RIMS1: variants seen among roughly 807,000 people sequenced by gnomAD.
RIMS1 encodes regulating synaptic membrane exocytosis 1.
Under a neutral mutation model 214.1 loss-of-function variants are expected in RIMS1, and 83 were observed. The ratio of observed to expected loss-of-function variants is 0.39; its 90% CI spans 0.32 to 0.47. The LOEUF (loss-of-function observed/expected upper bound fraction) is 0.47, where lower values mean the gene tolerates loss of function less well. Among genes scored for constraint, RIMS1 ranks in the 20% least tolerant of loss-of-function variants. The pLI, the probability that RIMS1 is intolerant of heterozygous loss-of-function variation, is 0.99. For synonymous variants in RIMS1, 793 were observed against 786.8 expected (o/e 1.01, Z -0.13); for missense variants, 2,050 against 2,161.8 (o/e 0.95, Z 1.03).
At chr6:72,169,809 G>T (rs1247860810) in intron 4 of RIMS1, among the ~76,000 whole-genome samples, 3 of 152,178 alleles carry the variant, frequency 2.0e-5, no homozygotes, top group African/African-American at 7.2e-5. Context: ...TACTTGGGAG[G>T]AAGAGGCGGA....
chr6:72,035,768 G>A (rs1462249435), intron 2 of RIMS1, among the ~76,000 whole-genome samples: 1 of 152,084 alleles, frequency 6.6e-6, no homozygotes, highest in Non-Finnish European at 1.5e-5. Flanking sequence ...ATTCCAGGTA[G>A]GGGTTTATAC....
chr6:72,186,949 G>A (rs1297217627), intron 6 of RIMS1, among the ~76,000 whole-genome samples: 2 of 152,056 alleles, frequency 1.3e-5, no homozygotes, highest in African/African-American at 4.8e-5. Flanking sequence ...TGGGCAACAT[G>A]GTGAAACCCC....
chr6:71,955,456 C>T (rs552588771), intron 1 of RIMS1, among the ~76,000 whole-genome samples: 34 of 152,230 alleles, frequency 2.2e-4, no homozygotes, highest in Middle Eastern at 6.8e-3. Context: ...CATGAGCCAC[C>T]GTGCCCAACT....
At chr6:72,353,720 TCAGTTAC>T (rs2097539703) in intron 29 of RIMS1, among the ~76,000 whole-genome samples, 3 of 152,336 alleles carry the variant, frequency 2.0e-5, no homozygotes, top group African/African-American at 7.2e-5. Context: ...CCTCTGATAC[TCAGTTAC>T]TACTTCTGGC....
At chr6:71,919,544 G>T (rs919447808) in intron 1 of RIMS1, among the ~76,000 whole-genome samples, 1 of 152,082 alleles carries the variant, frequency 6.6e-6, no homozygotes, top group Non-Finnish European at 1.5e-5. Context: ...ACTGGCACTT[G>T]GGAGTCATCA....
chr6:71,939,034 G>A (rs1785274664), intron 1 of RIMS1, among the ~76,000 whole-genome samples: 1 of 152,226 alleles, frequency 6.6e-6, no homozygotes, highest in Non-Finnish European at 1.5e-5. Context: ...AATGCTGAAT[G>A]TTTTGCTGTT....
chr6:72,170,004 C>T (rs2046803775), intron 4 of RIMS1, among the ~76,000 whole-genome samples: 1 of 152,186 alleles, frequency 6.6e-6, no homozygotes. Context: ...TGCTATAGTC[C>T]ACAAAGACCT....
intron 11 of RIMS1, among the ~76,000 whole-genome samples, chr6:72,246,122 C>T (rs1157901700): frequency 1.3e-5 from 2 of 151,998 alleles, no homozygotes; most frequent in Non-Finnish European, 2.9e-5. Flanking sequence ...ACAGTCAGGA[C>T]CCTTACAGAG....
intron 19 of RIMS1, among the ~76,000 whole-genome samples, chr6:72,264,512 A>G (rs543996480): frequency 1.3e-5 from 2 of 152,050 alleles, no homozygotes; most frequent in Non-Finnish European, 2.9e-5. Flanking sequence ...GTCTGGTACT[A>G]TGACCAGCTT....
intron 6 of RIMS1, among the ~76,000 whole-genome samples, chr6:72,197,693 C>G (rs954502670): frequency 6.6e-6 from 1 of 151,984 alleles, no homozygotes; most frequent in Admixed American, 6.6e-5. Context: ...CTGGGCAATT[C>G]TCCAAGCCAG....
intron 1 of RIMS1, among the ~76,000 whole-genome samples, chr6:71,937,756 A>G (rs1298548398): frequency 6.6e-6 from 1 of 152,228 alleles, no homozygotes; most frequent in Non-Finnish European, 1.5e-5. Flanking sequence ...CCACCTCTTA[A>G]TATTGTTTCA....
At chr6:72,303,511 T>A (rs1391645381) in intron 26 of RIMS1, among the ~76,000 whole-genome samples, 2 of 151,366 alleles carry the variant, frequency 1.3e-5, no homozygotes, top group East Asian at 3.9e-4. Flanking sequence ...TTGTAAATTA[T>A]ATTTATTTTT....
At chr6:72,271,286 A>AT (rs1554403465) in intron 22 of RIMS1, among the ~76,000 whole-genome samples, 125 of 44,230 alleles carry the variant, frequency 2.8e-3, no homozygotes, top group Middle Eastern at 0.042. Context: ...AAAAAAAAAA[A>AT]ATATATATAT....
intron 10 of RIMS1, among the ~76,000 whole-genome samples, chr6:72,244,778 A>G (rs896113633): frequency 5.9e-5 from 9 of 151,952 alleles, no homozygotes; most frequent in African/African-American, 1.9e-4. Flanking sequence ...TACTTTGCAC[A>G]AAATAGTCAA....
chr6:72,213,551 A>G (rs2054339311), intron 6 of RIMS1, among the ~76,000 whole-genome samples: 1 of 152,198 alleles, frequency 6.6e-6, no homozygotes, highest in Non-Finnish European at 1.5e-5. Context: ...AAAAAAAAAT[A>G]GCAGGCTACC....
At chr6:72,130,431 C>T (rs2040257813) in intron 4 of RIMS1, among the ~76,000 whole-genome samples, 1 of 152,088 alleles carries the variant, frequency 6.6e-6, no homozygotes, top group African/African-American at 2.4e-5. Context: ...TGCCATTAAG[C>T]GTAAATTGTG....
At position 71,886,967 on chromosome 6, in the gene RIMS1, G is replaced by T; in HGVS notation, c.-57G>T. The T allele has an allele frequency of 6.4e-7, 1 of 1,574,776 alleles. No homozygotes were observed. Among genetic ancestry groups the T allele is most frequent in the Non-Finnish European group, 8.6e-7 (1 of 1,156,828 alleles). On this transcript the variant is annotated 5_prime_UTR_variant, in exon 1 of 34. Transcript: ENST00000521978. ...GGAAGCAGGGGCGCAGCTGCTGGGC[G>T]TGCATCCGAAAGGTGAGAGCCAGAG...
At chr6:72,276,375 G>C (rs567150564) in intron 23 of RIMS1, among the ~76,000 whole-genome samples, 9 of 152,172 alleles carry the variant, frequency 5.9e-5, no homozygotes, top group Middle Eastern at 3.4e-3. Context: ...AAGTTTATCT[G>C]GGCATTGATT....
rs2076968385 is a variant in RIMS1 at position 72,259,102 on chromosome 6, A to G, written c.3044A>G (p.Glu1015Gly). ...TRDVDSQYLS[E>G]QDSELLMLPR... ...GATGTGGATAGTCAGTATTTATCAG[A>G]ACAAGACAGGTATTTGTCAAAATTA... The change falls in exon 18 of 34, where the codon GAA becomes GGA. Residue 1015 changes from glutamate to glycine, a missense_variant. Coordinates refer to ENST00000521978, the MANE Select transcript of RIMS1 (RefSeq NM_014989.7). 6.2e-7 allele frequency: 1 copy of G among 1,612,000 alleles called. No individual in the cohort carries two copies. Among genetic ancestry groups the G allele is most frequent in the Non-Finnish European group, 8.5e-7 (1 of 1,178,712 alleles).
Sources: allele counts gnomAD v4.1 joint callset (sites outside exome capture counted in the v4.1 genomes callset), GRCh38; gene constraint gnomAD v4.1.1; transcripts MANE v1.5; gene names NCBI Gene and HGNC (gene_info 2026-07-23, HGNC 2026-07-21).